Variants in NBPF11 observed in about 807,000 individuals in gnomAD.
NBPF11 encodes the protein NBPF member 11.
Under a neutral mutation model 93.9 loss-of-function variants are expected in NBPF11, and 72 were observed. That is an observed-to-expected ratio of 0.77 (90% CI 0.63 to 0.93). The LOEUF (loss-of-function observed/expected upper bound fraction) is 0.93, where lower values mean the gene tolerates loss of function less well. NBPF11 is among the 40% of genes least tolerant of loss of function. The probability of loss-of-function intolerance (pLI) is 0.00; values close to 1 mark genes in which losing one functional copy is unlikely to be tolerated. For synonymous variants in NBPF11, 224 were observed against 304.9 expected (o/e 0.73, Z 2.76); for missense variants, 705 against 802.2 (o/e 0.88, Z 1.46).
At chr1:148,132,105 TTTATC>T (rs1670440644) in intron 4 of NBPF11, among the ~76,000 whole-genome samples, 1 of 146,396 alleles carries the variant, frequency 6.8e-6, no homozygotes, top group African/African-American at 2.6e-5. Flanking sequence ...CATTGTGCTG[TTTATC>T]TTATCAGACT....
chr1:148,109,178 T>C, intron 17 of NBPF11, 106 bp downstream of exon 17: 1 of 901,744 alleles, frequency 1.1e-6, no homozygotes, highest in Non-Finnish European at 1.8e-6. Context: ...AATTCAGACT[T>C]GTCTGACAAG....
At chr1:148,125,877 C>T (rs1255603474) in intron 5 of NBPF11, among the ~76,000 whole-genome samples, 2 of 152,030 alleles carry the variant, frequency 1.3e-5, no homozygotes, top group African/African-American at 4.8e-5. Context: ...TGCACTGCTG[C>T]TTCCACACGT....
chr1:148,141,208 A>G (rs1295035392), intron 2 of NBPF11, among the ~76,000 whole-genome samples: 4 of 152,026 alleles, frequency 2.6e-5, no homozygotes, highest in African/African-American at 9.7e-5. Flanking sequence ...ATTTTGCATG[A>G]TGCTGTATTG....
chr1:148,111,732 T>C (rs1235399206), intron 15 of NBPF11, among the ~76,000 whole-genome samples: 3 of 151,744 alleles, frequency 2.0e-5, no homozygotes, highest in Non-Finnish European at 2.9e-5. Context: ...TGAACAAGCC[T>C]CCAATAAATA....
At chr1:148,138,991 T>C (rs2795734) in intron 2 of NBPF11, among the ~76,000 whole-genome samples, 17,683 of 149,748 alleles carry the variant, frequency 0.12, 1,391 homozygotes, top group African/African-American at 0.22. Context: ...TTCAGGAGGC[T>C]GAGGCAGGAG....
chr1:148,142,622 C>T (rs1571493265), intron 2 of NBPF11, among the ~76,000 whole-genome samples: 1 of 152,132 alleles, frequency 6.6e-6, no homozygotes, highest in South Asian at 2.1e-4. Context: ...GAGAAGGATA[C>T]AAACAGGCCA....
At chr1:148,147,921 T>C (rs1264818115) in intron 1 of NBPF11, among the ~76,000 whole-genome samples, 5 of 152,004 alleles carry the variant, frequency 3.3e-5, no homozygotes. Flanking sequence ...TCTGTCCTGC[T>C]GCCCCTTTGT....
chr1:148,134,320 G>A (rs1670919351), intron 4 of NBPF11, among the ~76,000 whole-genome samples: 1 of 151,660 alleles, frequency 6.6e-6, no homozygotes, highest in African/African-American at 2.4e-5. Flanking sequence ...CAGTGCCAGA[G>A]CAGGGAGGGA....
At position 148,127,019 on chromosome 1, in the gene NBPF11, A is replaced by T. The variant is rs1391437355; in HGVS notation, c.-16T>A. ...ATACCACCATGCTGACGTTTGTGGC[A>T]GAAGAGGTGGAGTCAGGGACTGGGG... On this transcript the variant is annotated 5_prime_UTR_variant, in exon 5 of 24. Transcript: ENST00000682118. 10 of 662,340 alleles carry T rather than the reference A, an allele frequency of 1.5e-5. No homozygotes were observed. Among genetic ancestry groups the T allele is most frequent in the Non-Finnish European group, 2.6e-5 (10 of 383,058 alleles). 41.0% of individuals were successfully genotyped at this position (662,340 alleles called of 1,614,324 possible).
In NBPF11 at chr1:148,118,502, C is replaced by G; in HGVS notation, c.1091+118G>C. The G allele has an allele frequency of 3.6e-6, 3 of 825,524 alleles. No individual in the cohort carries two copies. In the South Asian group the frequency reaches 4.1e-5, roughly 11 times the overall value. The allele number at this position is 825,524 out of a possible 1,614,324, so 51.1% of individuals were successfully genotyped here. ...AAATATTTGTGTGTAGCAAACCTGC[C>G]ATGGCAATTCCTGCCCTTCCCCTGG... On this transcript the variant is annotated intron_variant, in intron 11 of 23. Transcript: ENST00000682118.
chr1:148,127,799 C>A (rs1289033787), intron 4 of NBPF11, among the ~76,000 whole-genome samples: 1 of 148,120 alleles, frequency 6.8e-6, no homozygotes, highest in South Asian at 2.2e-4. Context: ...CCCGCCACCA[C>A]GCCCGGCTAA....
At position 148,118,638 on chromosome 1, in the gene NBPF11, T is replaced by C; in HGVS notation, c.1073A>G (p.Lys358Arg). The stretch of plus-strand genomic sequence containing the variant: ...CCCTCACCTGAGCTCCTCAGCTTGC[T>C]TCAGCTGCTCTGCAAGCTTCTCCTC... ...FKEEKLAEQL[K>R]QAEELRQYKV... The change falls in exon 11 of 24, where the codon AAG becomes AGG. Residue 358 changes from lysine (K) to arginine (R), a missense_variant. Physicochemically the swap from Lys to Arg is conservative, Grantham distance 26 (BLOSUM62 2). This residue lies in a region of NBPF11 where 262 missense variants were observed against 223.1 expected (regional missense o/e 1.17). Transcript: ENST00000682118. The C allele has an allele frequency of 6.8e-6, 11 of 1,612,808 alleles. No individual in the cohort carries two copies. The highest frequency in any genetic ancestry group is 9.3e-6 in the Non-Finnish European group (11 of 1,179,830).
Position 148,102,700 on chromosome 1 carries a change from GACA to G in NBPF11, c.*1193_*1195del, listed in dbSNP as rs1194725978. On this transcript the variant is annotated 3_prime_UTR_variant, in exon 24 of 24. Coordinates refer to ENST00000682118, the MANE Select transcript of NBPF11 (RefSeq NM_001385469.3). ...ACAAGTCCATGTCACCACCATCCAT[GACA>G]ACAACAAAAAGATGAGGAAATATTT... The G allele has an allele frequency of 1.3e-5, 2 of 150,826 alleles. No individual in the cohort carries two copies. Among genetic ancestry groups the G allele is most frequent in the Admixed American group, 1.3e-4 (2 of 15,152 alleles). The allele number at this position is 150,826 out of a possible 1,614,324, so 9.3% of individuals were successfully genotyped here.
chr1:148,124,937 C>T lies in NBPF11; in HGVS notation c.240G>A (p.Glu80=), dbSNP rs1553272691. The T allele has an allele frequency of 3.1e-6, 5 of 1,610,090 alleles. No individual in the cohort carries two copies. Among genetic ancestry groups the T allele is most frequent in the Non-Finnish European group, 4.2e-6 (5 of 1,179,808 alleles). ...MLRNERQFKE[E]KLAEQLKQAE... is the part of the protein sequence containing the mutation. Reference sequence around the variant, plus strand: ...CTTGCTTGAGCTGCTCTGCAAGCTTCTCCTCCTTGAACTGTCGCTCATTCC... The same window carrying T: ...CTTGCTTGAGCTGCTCTGCAAGCTTTTCCTCCTTGAACTGTCGCTCATTCC... The change falls in exon 6 of 24, where the codon GAG becomes GAA. Residue 80 remains glutamate, a synonymous_variant. Coordinates refer to ENST00000682118, the MANE Select transcript of NBPF11 (RefSeq NM_001385469.3).
At chr1:148,129,282 T>C (rs1373029590) in intron 4 of NBPF11, among the ~76,000 whole-genome samples, 1 of 147,666 alleles carries the variant, frequency 6.8e-6, no homozygotes, top group Non-Finnish European at 1.5e-5. Flanking sequence ...ATACATAATA[T>C]ACAATATATA....
At chr1:148,138,521 G>A (rs1488271570) in intron 2 of NBPF11, among the ~76,000 whole-genome samples, 3 of 151,860 alleles carry the variant, frequency 2.0e-5, no homozygotes, top group African/African-American at 7.3e-5. Context: ...GCAGTGTAGT[G>A]TGTCTCTGGG....
chr1:148,142,893 C>T (rs1262177742), intron 2 of NBPF11, among the ~76,000 whole-genome samples: 1 of 152,242 alleles, frequency 6.6e-6, no homozygotes, highest in Non-Finnish European at 1.5e-5. Flanking sequence ...TCTCTTTTAA[C>T]CCATTATACT....
chr1:148,113,090 TAAC>T (rs1665688420), intron 15 of NBPF11, among the ~76,000 whole-genome samples: 1 of 151,930 alleles, frequency 6.6e-6, no homozygotes, highest in South Asian at 2.1e-4. Context: ...GCAAACATCA[TAAC>T]GACAGGATCA....
At chr1:148,150,941 A>C (rs1313450090) in intron 1 of NBPF11, among the ~76,000 whole-genome samples, 1 of 151,786 alleles carries the variant, frequency 6.6e-6, no homozygotes, top group Non-Finnish European at 1.5e-5. Flanking sequence ...GTTAGCCAGG[A>C]TGGTCTCAAT....
Sources: allele counts gnomAD v4.1 joint callset (sites outside exome capture counted in the v4.1 genomes callset), GRCh38; gene constraint gnomAD v4.1.1; regional missense constraint gnomAD v4.1.1; transcripts MANE v1.5; gene names NCBI Gene and HGNC (gene_info 2026-07-23, HGNC 2026-07-21).